The following RAB38 variants were observed in gnomAD, a reference collection of about 807,000 sequenced individuals.
RAB38 encodes the protein ras-related protein Rab-38.
In RAB38, 15 loss-of-function variants were observed where a neutral mutation model predicts 18.4. That is an observed-to-expected ratio of 0.82 (90% CI 0.55 to 1.26). The LOEUF (loss-of-function observed/expected upper bound fraction) is 1.26, where lower values mean the gene tolerates loss of function less well. Among genes scored for constraint, RAB38 ranks in the 50% most tolerant of loss-of-function variants. The probability of loss-of-function intolerance (pLI) is 0.00; values close to 1 mark genes in which losing one functional copy is unlikely to be tolerated. For synonymous variants in RAB38, 101 were observed against 104.4 expected (o/e 0.97, Z 0.20); for missense variants, 294 against 267.4 (o/e 1.10, Z -0.69).
chr11:88,052,045 C>A, the RAB38 span, among the ~76,000 whole-genome samples: 1 of 152,224 alleles, frequency 6.6e-6, no homozygotes, highest in Middle Eastern at 3.4e-3. Context: ...ATTGCTTGAA[C>A]CAGGGAGGTG....
chr11:88,142,553 C>G (rs540884473), intron 2 of RAB38, among the ~76,000 whole-genome samples: 2 of 152,072 alleles, frequency 1.3e-5, no homozygotes, highest in Non-Finnish European at 2.9e-5. Context: ...TCAGGCAATT[C>G]CTGAAGAAAG....
the RAB38 span, among the ~76,000 whole-genome samples, chr11:87,822,446 G>A: frequency 6.6e-6 from 1 of 152,174 alleles, no homozygotes; most frequent in Admixed American, 6.5e-5. Context: ...TTCTTGGTCA[G>A]GGTCTCTCAC....
At chr11:87,867,934 T>C in the RAB38 span, among the ~76,000 whole-genome samples, 1 of 151,752 alleles carries the variant, frequency 6.6e-6, no homozygotes, top group Non-Finnish European at 1.5e-5. Flanking sequence ...TGAGTGACAC[T>C]ATGTATTGTC....
the RAB38 span, among the ~76,000 whole-genome samples, chr11:88,021,283 G>C: frequency 2.0e-5 from 3 of 152,084 alleles, no homozygotes; most frequent in African/African-American, 7.2e-5. Flanking sequence ...GAAACTCAAA[G>C]GATCATTAGT....
chr11:87,933,747 C>G, the RAB38 span, among the ~76,000 whole-genome samples: 2 of 152,100 alleles, frequency 1.3e-5, no homozygotes, highest in South Asian at 4.2e-4. Context: ...AGCAGATCCA[C>G]CAATGGCAAG....
chr11:87,976,959 A>ATG, the RAB38 span, among the ~76,000 whole-genome samples: 98 of 34,070 alleles, frequency 2.9e-3, 38 homozygotes, highest in Non-Finnish European at 3.5e-3. Flanking sequence ...ATATAATTAC[A>ATG]TTATACAAGT....
chr11:88,155,208 T>C lies in RAB38; in HGVS notation c.203-5253A>G, dbSNP rs954633085. Among the ~76,000 whole-genome samples, 7 of 152,302 alleles carry C rather than the reference T, an allele frequency of 4.6e-5. No homozygotes were observed. The East Asian group carries it at 1.4e-3, about 29-fold the overall frequency. ...ACCTACCTGGTCTGGCCCCACCCATTGTGGACCCCAATCCCCTTGGCTAAG... is the reference window on the plus strand; with the variant it reads ...ACCTACCTGGTCTGGCCCCACCCATCGTGGACCCCAATCCCCTTGGCTAAG... On this transcript the variant is annotated intron_variant, in intron 1 of 2. Transcript: ENST00000243662.
the RAB38 span, among the ~76,000 whole-genome samples, chr11:87,847,176 T>C: frequency 6.6e-6 from 1 of 151,976 alleles, no homozygotes; most frequent in African/African-American, 2.4e-5. Context: ...ATCATTGATA[T>C]TGAAAAGAAC....
the RAB38 span, among the ~76,000 whole-genome samples, chr11:87,967,847 A>G: frequency 2.6e-5 from 4 of 152,158 alleles, no homozygotes; most frequent in East Asian, 7.7e-4. Context: ...CCAGTCTTTC[A>G]ATAGGCATAA....
At chr11:88,110,223 T>C (rs1942455386), downstream of RAB38, among the ~76,000 whole-genome samples, 1 of 152,080 alleles carries the variant, frequency 6.6e-6, no homozygotes, top group South Asian at 2.1e-4. Context: ...TTCGGGGATA[T>C]GGATGAAGCT....
the RAB38 span, among the ~76,000 whole-genome samples, chr11:87,897,049 A>G: frequency 6.6e-6 from 1 of 151,626 alleles, no homozygotes; most frequent in Admixed American, 6.6e-5. Flanking sequence ...GAAACTCTAT[A>G]GCTTAGAAGT....
At chr11:87,894,946 A>G in the RAB38 span, among the ~76,000 whole-genome samples, 197 of 151,770 alleles carry the variant, frequency 1.3e-3, 1 homozygote, top group East Asian at 0.029. Context: ...ATTACAGCTG[A>G]GACTCCTGGA....
the RAB38 span, among the ~76,000 whole-genome samples, chr11:87,970,300 C>G: frequency 6.6e-6 from 1 of 151,800 alleles, no homozygotes; most frequent in East Asian, 1.9e-4. Context: ...AGGGTCCAGC[C>G]CTGTGCTTAT....
chr11:88,128,097 G>A (rs1198966743), intron 2 of RAB38, among the ~76,000 whole-genome samples: 3 of 152,174 alleles, frequency 2.0e-5, no homozygotes, highest in Admixed American at 2.0e-4. Context: ...CCATTACACC[G>A]AATCTCTTTA....
the RAB38 span, among the ~76,000 whole-genome samples, chr11:88,092,310 C>T: frequency 1.2e-4 from 15 of 124,924 alleles, 3 homozygotes; most frequent in Non-Finnish European, 1.9e-4. Flanking sequence ...CGGTGTATCA[C>T]ATGGCAAGAG....
the RAB38 span, among the ~76,000 whole-genome samples, chr11:87,839,971 GAAAAC>G: frequency 6.6e-6 from 1 of 152,136 alleles, no homozygotes; most frequent in Non-Finnish European, 1.5e-5. Context: ...TACAGAGGAT[GAAAAC>G]AAAAGAACAA....
chr11:88,024,621 T>G, the RAB38 span, among the ~76,000 whole-genome samples: 6 of 152,228 alleles, frequency 3.9e-5, no homozygotes, highest in South Asian at 6.2e-4. Flanking sequence ...TGGCCAAGAT[T>G]TGGAAGCACC....
At chr11:88,043,630 C>T in the RAB38 span, among the ~76,000 whole-genome samples, 3 of 95,396 alleles carry the variant, frequency 3.1e-5, no homozygotes, top group Middle Eastern at 7.2e-3. Context: ...CCGAGAACAA[C>T]CCCCTTTGAC....
the RAB38 span, among the ~76,000 whole-genome samples, chr11:88,009,875 T>A: frequency 3.3e-5 from 5 of 152,162 alleles, no homozygotes; most frequent in Non-Finnish European, 7.4e-5. Flanking sequence ...ACCATAAGTA[T>A]CTTGGATTTC....
Sources: allele counts gnomAD v4.1 joint callset (sites outside exome capture counted in the v4.1 genomes callset), GRCh38; gene constraint gnomAD v4.1.1; transcripts MANE v1.5; gene names NCBI Gene and HGNC (gene_info 2026-07-23, HGNC 2026-07-21).